The following FMN2 variants were observed in gnomAD, a reference collection of about 807,000 sequenced individuals.
FMN2 encodes the protein formin 2, also known as formin-2.
In FMN2, 51 loss-of-function variants were observed where a neutral mutation model predicts 142.3. That is an observed-to-expected ratio of 0.36 (90% confidence interval 0.29 to 0.45). FMN2 has a LOEUF of 0.45. FMN2 is among the 20% of genes least tolerant of loss of function. The pLI is 1.00. For missense variants in FMN2, 1,936 were observed against 2,122.8 expected (o/e 0.91, Z 1.73); for synonymous variants, 882 against 869.8 (o/e 1.01, Z -0.25).
At chr1:240,140,859 A>G (rs1029454245) in intron 2 of FMN2, among the ~76,000 whole-genome samples, 1 of 152,230 alleles carries the variant, frequency 6.6e-6, no homozygotes, top group African/African-American at 2.4e-5. Flanking sequence ...CCAAAACTGA[A>G]GAAGACAAGT....
intron 7 of FMN2, among the ~76,000 whole-genome samples, chr1:240,283,852 C>T (rs576930647): frequency 3.3e-5 from 5 of 152,262 alleles, no homozygotes; most frequent in Non-Finnish European, 5.9e-5. Flanking sequence ...ACATTTAGAG[C>T]CATACTTTCC....
intron 2 of FMN2, chr1:240,144,146 A>T: frequency 7.7e-7 from 1 of 1,295,966 alleles, no homozygotes; most frequent in Non-Finnish European, 1.1e-6. Context: ...CAACAGATGC[A>T]GCTGCACTCA....
chr1:240,398,437 C>T (rs1449800586), intron 15 of FMN2, among the ~76,000 whole-genome samples: 1 of 152,010 alleles, frequency 6.6e-6, no homozygotes, highest in Non-Finnish European at 1.5e-5. Flanking sequence ...AGGTCAAAGG[C>T]CTGAAATTAT....
intron 15 of FMN2, among the ~76,000 whole-genome samples, chr1:240,419,984 C>T (rs1364562075): frequency 6.6e-6 from 1 of 152,104 alleles, no homozygotes; most frequent in East Asian, 1.9e-4. Context: ...GTCAGGCCTC[C>T]TTGGCTGCCC....
chr1:240,169,646 AT>A (rs1390811151), intron 2 of FMN2, among the ~76,000 whole-genome samples: 2 of 150,646 alleles, frequency 1.3e-5, no homozygotes, highest in African/African-American at 4.9e-5. Context: ...TTTATGTAAA[AT>A]TTTTTTTTCT....
At chr1:240,397,263 T>C (rs1673812507) in intron 15 of FMN2, among the ~76,000 whole-genome samples, 1 of 152,214 alleles carries the variant, frequency 6.6e-6, no homozygotes, top group Non-Finnish European at 1.5e-5. Context: ...TTTTGAGAAG[T>C]GTCTATTTAT....
At chr1:240,235,628 C>G (rs901018648) in intron 6 of FMN2, 8 of 151,790 alleles carry the variant, frequency 5.3e-5, no homozygotes, top group African/African-American at 1.9e-4. Flanking sequence ...ACTATGTTGC[C>G]CAGGCTGGTT....
intron 1 of FMN2, among the ~76,000 whole-genome samples, chr1:240,104,381 T>C (rs1040882199): frequency 9.2e-5 from 14 of 152,100 alleles, no homozygotes; most frequent in Non-Finnish European, 8.8e-5. Flanking sequence ...ATTAACACTT[T>C]TTCTTCCTGG....
intron 15 of FMN2, among the ~76,000 whole-genome samples, chr1:240,410,297 A>G (rs905438377): frequency 3.9e-5 from 6 of 152,224 alleles, no homozygotes; most frequent in Non-Finnish European, 8.8e-5. Flanking sequence ...GATCAGAAGC[A>G]AACACTATTG....
At chr1:240,402,763 G>T (rs1674033799) in intron 15 of FMN2, among the ~76,000 whole-genome samples, 1 of 152,190 alleles carries the variant, frequency 6.6e-6, no homozygotes, top group South Asian at 2.1e-4. Context: ...GGCAGAGAAT[G>T]TAGAAATTTT....
chr1:240,440,647 C>A (rs1414926623), intron 16 of FMN2, among the ~76,000 whole-genome samples: 1 of 152,130 alleles, frequency 6.6e-6, no homozygotes, highest in Non-Finnish European at 1.5e-5. Flanking sequence ...TTTTCTAAAT[C>A]ATTTGCTTTT....
At chr1:240,422,052 C>G (rs1438309175) in intron 15 of FMN2, among the ~76,000 whole-genome samples, 3 of 152,146 alleles carry the variant, frequency 2.0e-5, no homozygotes, top group Non-Finnish European at 2.9e-5. Context: ...ACTCCTCCTG[C>G]AGTTGGCTAT....
intron 6 of FMN2, among the ~76,000 whole-genome samples, chr1:240,226,492 G>C (rs1433964733): frequency 6.6e-6 from 1 of 152,182 alleles, no homozygotes; most frequent in African/African-American, 2.4e-5. Flanking sequence ...AAAACTGAGA[G>C]AATTTGTTGC....
intron 1 of FMN2, among the ~76,000 whole-genome samples, chr1:240,117,251 A>C (rs1662060438): frequency 6.6e-6 from 1 of 152,204 alleles, no homozygotes; most frequent in Non-Finnish European, 1.5e-5. Flanking sequence ...TCATCTCATC[A>C]TTGGGAAGAA....
intron 4 of FMN2, among the ~76,000 whole-genome samples, chr1:240,204,334 G>A (rs1292458577): frequency 6.6e-6 from 1 of 152,184 alleles, no homozygotes; most frequent in African/African-American, 2.4e-5. Flanking sequence ...GTGCAGTGGT[G>A]TGTGCCTATA....
intron 14 of FMN2, among the ~76,000 whole-genome samples, chr1:240,357,624 T>C (rs75879817): frequency 1.3e-5 from 2 of 151,800 alleles, no homozygotes; most frequent in African/African-American, 4.8e-5. Flanking sequence ...TTTTTTTTTT[T>C]TTGAGACGGA....
At chr1:240,307,781 G>T (rs1459161943) in intron 8 of FMN2, among the ~76,000 whole-genome samples, 1 of 152,060 alleles carries the variant, frequency 6.6e-6, no homozygotes, top group East Asian at 1.9e-4. Context: ...GAAAAATGAT[G>T]TTTGTAATTT....
intron 2 of FMN2, among the ~76,000 whole-genome samples, chr1:240,150,679 C>T (rs1663725880): frequency 6.6e-6 from 1 of 152,072 alleles, no homozygotes; most frequent in Non-Finnish European, 1.5e-5. Context: ...TAATAGTCAC[C>T]ACTTTTTGAG....
intron 4 of FMN2, among the ~76,000 whole-genome samples, chr1:240,198,930 C>A (rs751427426): frequency 3.9e-5 from 6 of 152,012 alleles, no homozygotes; most frequent in African/African-American, 1.5e-4. Flanking sequence ...CATAGTGAAA[C>A]CCCATCTCTA....
Sources: gnomAD v4.1 joint callset for allele counts (sites outside exome capture counted in the v4.1 genomes callset) on GRCh38, gnomAD v4.1.1 for gene constraint, MANE v1.5 for transcripts, NCBI Gene and HGNC (gene_info 2026-07-23, HGNC 2026-07-21) for gene names.